BCL7A: variants seen among roughly 807,000 people sequenced by gnomAD.
BCL7A encodes the protein BAF chromatin remodeling complex subunit BCL7A, also known as B-cell CLL/lymphoma 7 protein family member A.
A neutral mutation model predicts 28.4 loss-of-function variants in BCL7A; 11 were observed. The observed-to-expected ratio is 0.39, with a 90% CI of 0.24 to 0.64. The LOEUF is 0.64. BCL7A is among the 30% of genes least tolerant of loss of function. The pLI, the probability that BCL7A is intolerant of heterozygous loss-of-function variation, is 0.50. For missense variants in BCL7A, 222 were observed against 274.8 expected, an observed-to-expected ratio of 0.81 and a Z score of 1.36; for synonymous variants, 123 against 103.3, an observed-to-expected ratio of 1.19 and a Z score of -1.15.
At chr12:122,025,204 C>T (rs933395477) in intron 1 of BCL7A, among the ~76,000 whole-genome samples, 9 of 151,954 alleles carry the variant, frequency 5.9e-5, no homozygotes, top group African/African-American at 2.2e-4. Flanking sequence ...TGGGCTGCAG[C>T]GTAAGCTTGG....
chr12:122,057,241 G>A (rs28719908), intron 5 of BCL7A, among the ~76,000 whole-genome samples: 3,483 of 152,320 alleles, frequency 0.023, 146 homozygotes, highest in African/African-American at 0.079. Flanking sequence ...AAGGTGCAGA[G>A]ACCTCAAGAC....
chr12:122,023,345 T>G (rs534748713), intron 1 of BCL7A, among the ~76,000 whole-genome samples: 1 of 152,330 alleles, frequency 6.6e-6, no homozygotes, highest in East Asian at 1.9e-4. Context: ...GACCCTTTAT[T>G]TCGAGCCTGG....
At chr12:122,055,084 G>C in intron 5 of BCL7A, 158 bp downstream of exon 5, 1 of 1,433,808 alleles carries the variant, frequency 7.0e-7, no homozygotes, top group African/African-American at 1.4e-5. Flanking sequence ...CATGAACACA[G>C]TCCTGGGCTC....
chr12:122,035,478 C>A, intron 3 of BCL7A, 51 bp downstream of exon 3: 1 of 1,502,114 alleles, frequency 6.7e-7, no homozygotes, highest in Non-Finnish European at 9.2e-7. Context: ...GGGCCTTGGC[C>A]AAGCACTCGG....
intron 3 of BCL7A, among the ~76,000 whole-genome samples, chr12:122,037,059 C>G (rs1483455462): frequency 6.6e-6 from 1 of 152,208 alleles, no homozygotes; most frequent in Non-Finnish European, 1.5e-5. Context: ...CAGGAAATCT[C>G]CGTCCTGCCA....
chr12:122,027,073 C>T (rs979922605), intron 1 of BCL7A, among the ~76,000 whole-genome samples: 2 of 152,128 alleles, frequency 1.3e-5, no homozygotes, highest in Admixed American at 1.3e-4. Flanking sequence ...ACACCCAGGG[C>T]CAGCTTTGCA....
In BCL7A at chr12:122,061,021, A is replaced by G. The variant is rs966648673; in HGVS notation, c.*1858A>G. On this transcript the variant is annotated 3_prime_UTR_variant, in exon 6 of 6. Transcript: ENST00000261822. ...CCTTAGGCAGTCAGTTTTGTTGAGA[A>G]CTGTGTCCTGCATCCTGGCGCAGAA... 4.4e-6 allele frequency: 1 copy of G among 226,980 alleles called. No homozygotes were observed. The allele number at this position is 226,980 out of a possible 1,614,324, so 14.1% of individuals were successfully genotyped here.
intron 4 of BCL7A, among the ~76,000 whole-genome samples, chr12:122,048,213 A>G (rs914092484): frequency 4.0e-5 from 6 of 149,106 alleles, no homozygotes; most frequent in African/African-American, 1.5e-4. Context: ...TGAGAAAGCT[A>G]TTTTTTTTTT....
chr12:122,023,821 G>C (rs972590985), intron 1 of BCL7A, among the ~76,000 whole-genome samples: 1 of 152,168 alleles, frequency 6.6e-6, no homozygotes, highest in Admixed American at 6.5e-5. Context: ...GGGAAGCCCG[G>C]AGTTGCTCCC....
intron 5 of BCL7A, among the ~76,000 whole-genome samples, chr12:122,057,759 C>G (rs769860036): frequency 8.5e-5 from 13 of 152,192 alleles, no homozygotes; most frequent in Admixed American, 1.3e-4. Context: ...GACCCTTTCC[C>G]CCAGAATAAC....
chr12:122,042,332 T>C (rs910977862), intron 3 of BCL7A, among the ~76,000 whole-genome samples: 4 of 152,144 alleles, frequency 2.6e-5, no homozygotes, highest in African/African-American at 9.7e-5. Context: ...TAGATTTTTG[T>C]AATTAAAATA....
At chr12:122,038,662 A>G (rs2135848652) in intron 3 of BCL7A, among the ~76,000 whole-genome samples, 1 of 152,202 alleles carries the variant, frequency 6.6e-6, no homozygotes, top group East Asian at 1.9e-4. Context: ...GTTGGATTAC[A>G]GACGCAGAAT....
intron 3 of BCL7A, among the ~76,000 whole-genome samples, chr12:122,037,672 T>C (rs1883882976): frequency 6.6e-6 from 1 of 150,720 alleles, no homozygotes; most frequent in Non-Finnish European, 1.5e-5. Flanking sequence ...AAACAATGGG[T>C]GCGGTGGCTC....
chr12:122,025,013 T>C (rs1593020993), intron 1 of BCL7A, among the ~76,000 whole-genome samples: 1 of 146,040 alleles, frequency 6.8e-6, no homozygotes, highest in Non-Finnish European at 1.5e-5. Flanking sequence ...TGGGGCAGGC[T>C]GCCTCCTGTT....
At chr12:122,027,010 G>A (rs1033503048) in intron 1 of BCL7A, among the ~76,000 whole-genome samples, 5 of 152,230 alleles carry the variant, frequency 3.3e-5, no homozygotes, top group Admixed American at 6.5e-5. Context: ...GGAAGGGAAA[G>A]GTGTTGAAGT....
At chr12:122,033,564 G>A (rs1214591900) in intron 2 of BCL7A, among the ~76,000 whole-genome samples, 2 of 147,364 alleles carry the variant, frequency 1.4e-5, no homozygotes, top group East Asian at 3.9e-4. Flanking sequence ...CGCCCGCCTC[G>A]GCCTCCCAAA....
chr12:122,044,751 A>G (rs1266447711), intron 4 of BCL7A, among the ~76,000 whole-genome samples: 2 of 152,162 alleles, frequency 1.3e-5, no homozygotes, highest in South Asian at 2.1e-4. Context: ...CCTTGAGCTC[A>G]GGAGTTGGAG....
intron 1 of BCL7A, among the ~76,000 whole-genome samples, chr12:122,024,554 C>T (rs1883572606): frequency 1.3e-5 from 2 of 151,706 alleles, no homozygotes; most frequent in Admixed American, 6.6e-5. Flanking sequence ...TCACCTTCCC[C>T]GCGCCTTCGG....
rs370442464 is a variant in BCL7A, at chr12:122,033,505, G to A, written c.175-1826G>A. On this transcript the variant is annotated intron_variant, in intron 2 of 5. Transcript: ENST00000261822. ...ATTTTTGTATTTTTAATAGAGACGG[G>A]GTTTCACCATGTTAGCCAGGATGGT... Among the ~76,000 whole-genome samples the A allele has an allele frequency of 3.3e-5, 5 of 152,220 alleles. No individual in the cohort carries two copies. In the East Asian group the frequency reaches 5.8e-4, roughly 18 times the overall value.
Sources: gnomAD v4.1 joint callset for allele counts (sites outside exome capture counted in the v4.1 genomes callset) on GRCh38, gnomAD v4.1.1 for gene constraint, MANE v1.5 for transcripts, NCBI Gene and HGNC (gene_info 2026-07-23, HGNC 2026-07-21) for gene names.